Variants in RIMS2 observed in about 807,000 individuals in gnomAD.
RIMS2 encodes regulating synaptic membrane exocytosis 2.
Under a neutral mutation model 174.4 loss-of-function variants are expected in RIMS2, and 59 were observed. The observed-to-expected ratio is 0.34, with a 90% CI of 0.27 to 0.42. The LOEUF is 0.42. Ranked by LOEUF, RIMS2 falls within the 10% of genes least tolerant of loss-of-function variation. The probability of loss-of-function intolerance (pLI) is 1.00; values close to 1 mark genes in which losing one functional copy is unlikely to be tolerated. For synonymous variants in RIMS2, 606 were observed against 572.5 expected (o/e 1.06, Z -0.84); for missense variants, 1,620 against 1,666.3 (o/e 0.97, Z 0.48).
At chr8:104,091,322 C>A (rs561163568) in intron 19 of RIMS2, among the ~76,000 whole-genome samples, 1 of 151,620 alleles carries the variant, frequency 6.6e-6, no homozygotes, top group African/African-American at 2.4e-5. Flanking sequence ...AATATATTAC[C>A]AAAACTGCCT....
chr8:103,611,593 A>G (rs1033364382), intron 1 of RIMS2, among the ~76,000 whole-genome samples: 9 of 150,840 alleles, frequency 6.0e-5, no homozygotes, highest in Non-Finnish European at 1.5e-5. Context: ...TTAGCTATTT[A>G]AATATGTCAT....
intron 19 of RIMS2, among the ~76,000 whole-genome samples, chr8:104,141,904 A>T (rs1416092923): frequency 6.6e-6 from 1 of 151,930 alleles, no homozygotes; most frequent in Non-Finnish European, 1.5e-5. Flanking sequence ...ATTTTATTCC[A>T]TCTTATTTTC....
intron 10 of RIMS2, among the ~76,000 whole-genome samples, chr8:103,922,256 C>G (rs1038750192): frequency 6.6e-6 from 1 of 151,740 alleles, no homozygotes; most frequent in Non-Finnish European, 1.5e-5. Flanking sequence ...TAAAATGATA[C>G]TTGAGATATT....
chr8:104,150,533 G>C (rs1351887726), intron 19 of RIMS2, among the ~76,000 whole-genome samples: 3 of 152,132 alleles, frequency 2.0e-5, no homozygotes, highest in African/African-American at 7.2e-5. Flanking sequence ...TGAATTCCTG[G>C]AGATGATGCC....
intron 19 of RIMS2, chr8:104,094,487 A>G (rs977703124): frequency 3.0e-6 from 2 of 670,200 alleles, no homozygotes; most frequent in Non-Finnish European, 5.4e-6. Context: ...GACCAAAGGG[A>G]ATAGAAGAGG....
chr8:103,957,943 C>T (rs1326851097), intron 14 of RIMS2, among the ~76,000 whole-genome samples: 1 of 152,132 alleles, frequency 6.6e-6, no homozygotes, highest in Non-Finnish European at 1.5e-5. Flanking sequence ...AACACTTACA[C>T]ATTGTTGGTG....
At chr8:103,596,994 G>C (rs985819301) in intron 1 of RIMS2, among the ~76,000 whole-genome samples, 90 of 152,150 alleles carry the variant, frequency 5.9e-4, no homozygotes, top group African/African-American at 2.0e-3. Context: ...TATTTCCATA[G>C]CATTGTTGTG....
At chr8:103,561,128 C>A (rs1460293638) in intron 1 of RIMS2, among the ~76,000 whole-genome samples, 1 of 152,146 alleles carries the variant, frequency 6.6e-6, no homozygotes, top group Non-Finnish European at 1.5e-5. Context: ...CTTCCTGCGG[C>A]TTTTTCCTCT....
intron 3 of RIMS2, chr8:103,768,468 T>C (rs1465712229): frequency 2.5e-6 from 2 of 799,160 alleles, no homozygotes; most frequent in East Asian, 4.9e-5. Flanking sequence ...TGGTTCCCCA[T>C]GAAGAGGGGT....
intron 3 of RIMS2, among the ~76,000 whole-genome samples, chr8:103,815,246 C>T (rs2154466600): frequency 6.6e-6 from 1 of 152,240 alleles, no homozygotes; most frequent in African/African-American, 2.4e-5. Flanking sequence ...TACCAATAAA[C>T]ATGGTATGAG....
chr8:104,098,717 A>G (rs1566372139), intron 19 of RIMS2, among the ~76,000 whole-genome samples: 1 of 152,080 alleles, frequency 6.6e-6, no homozygotes, highest in South Asian at 2.1e-4. Flanking sequence ...CTAGCAAAAG[A>G]TCTCATAATC....
intron 19 of RIMS2, 44 bp downstream of exon 22, chr8:104,041,402 C>A (rs561898186): frequency 1.9e-4 from 129 of 678,566 alleles, no homozygotes; most frequent in African/African-American, 1.8e-3. Flanking sequence ...ATTTATCTAA[C>A]TTGTCCTAGA....
chr8:104,009,437 G>A (rs1014590483), intron 17 of RIMS2, among the ~76,000 whole-genome samples: 2 of 151,788 alleles, frequency 1.3e-5, no homozygotes, highest in African/African-American at 4.8e-5. Flanking sequence ...AGGACTATAG[G>A]TGTTTGCCAC....
At chr8:103,913,329 T>C (rs1194715418) in intron 6 of RIMS2, among the ~76,000 whole-genome samples, 1 of 151,900 alleles carries the variant, frequency 6.6e-6, no homozygotes, top group Admixed American at 6.6e-5. Flanking sequence ...GAGTCCTAGC[T>C]ACTGAGGAGG....
intron 19 of RIMS2, among the ~76,000 whole-genome samples, chr8:104,173,343 A>G (rs2098842994): frequency 6.6e-6 from 1 of 152,140 alleles, no homozygotes; most frequent in South Asian, 2.1e-4. Context: ...ATTCTTCAAG[A>G]AAAATGACAC....
chr8:103,903,083 T>A (rs973603781), intron 4 of RIMS2, among the ~76,000 whole-genome samples: 1 of 152,116 alleles, frequency 6.6e-6, no homozygotes, highest in Non-Finnish European at 1.5e-5. Context: ...AATATTTTTT[T>A]AAAAAATGAT....
chr8:103,953,323 A>T (rs2086034351), intron 14 of RIMS2, among the ~76,000 whole-genome samples: 1 of 152,220 alleles, frequency 6.6e-6, no homozygotes, highest in South Asian at 2.1e-4. Flanking sequence ...GTTGAAATGA[A>T]GGAAAAACTG....
chr8:103,696,862 CAAAAAAAAAA>C (rs55852238), intron 1 of RIMS2, among the ~76,000 whole-genome samples: 3 of 53,722 alleles, frequency 5.6e-5, no homozygotes, highest in Non-Finnish European at 1.0e-4. Context: ...GACTTCGTCT[CAAAAAAAAAA>C]AAAAAAAAAA....
At chr8:104,049,034 ATAG>A (rs2096740004) in intron 19 of RIMS2, among the ~76,000 whole-genome samples, 1 of 152,040 alleles carries the variant, frequency 6.6e-6, no homozygotes, top group Non-Finnish European at 1.5e-5. Flanking sequence ...ATTTCTTTTA[ATAG>A]TAGAACTGGG....
Sources: gnomAD v4.1 joint callset for allele counts (sites outside exome capture counted in the v4.1 genomes callset) on GRCh38, gnomAD v4.1.1 for gene constraint, MANE v1.5 for transcripts, NCBI Gene and HGNC (gene_info 2026-07-23, HGNC 2026-07-21) for gene names.